RHOQ: variants seen among roughly 807,000 people sequenced by gnomAD.
RHOQ encodes rho-related GTP-binding protein RhoQ.
RHOQ carries 7 observed loss-of-function variants against 25.8 expected under a neutral mutation model. The observed-to-expected ratio is 0.27, with a 90% CI of 0.15 to 0.51. The LOEUF (loss-of-function observed/expected upper bound fraction) is 0.51, where lower values mean the gene tolerates loss of function less well. Ranked by LOEUF, RHOQ falls within the 20% of genes least tolerant of loss-of-function variation. RHOQ has a pLI of 0.97. For synonymous variants in RHOQ, 97 were observed against 98.6 expected, an observed-to-expected ratio of 0.98 and a Z score of 0.10; for missense variants, 165 against 260.6, an observed-to-expected ratio of 0.63 and a Z score of 2.53.
intron 2 of RHOQ, among the ~76,000 whole-genome samples, chr2:46,567,894 C>T (rs1215819121): frequency 6.9e-6 from 1 of 144,562 alleles, no homozygotes; most frequent in Non-Finnish European, 1.5e-5. Context: ...CCTGTCTCTA[C>T]AAAAAAAAAA....
intron 2 of RHOQ, among the ~76,000 whole-genome samples, chr2:46,574,396 T>C (rs546023694): frequency 7.2e-5 from 11 of 151,760 alleles, no homozygotes; most frequent in South Asian, 6.2e-4. Context: ...GCCCAGAAAG[T>C]ACATATAAGG....
intron 2 of RHOQ, among the ~76,000 whole-genome samples, chr2:46,563,375 G>A (rs1301546996): frequency 6.6e-6 from 1 of 152,204 alleles, no homozygotes; most frequent in Non-Finnish European, 1.5e-5. Flanking sequence ...AGCCTGGGTT[G>A]CTGTGAAGGC....
chr2:46,553,453 C>T (rs1417243005), intron 2 of RHOQ, among the ~76,000 whole-genome samples: 1 of 152,172 alleles, frequency 6.6e-6, no homozygotes, highest in Non-Finnish European at 1.5e-5. Context: ...TATCCATCCC[C>T]TCAAGCAGTT....
chr2:46,565,268 G>T (rs1401707659), intron 2 of RHOQ, among the ~76,000 whole-genome samples: 1 of 152,184 alleles, frequency 6.6e-6, no homozygotes, highest in East Asian at 1.9e-4. Context: ...GGTCCCCAGG[G>T]GCATGTGTCT....
chr2:46,558,694 T>C (rs1357981296), intron 2 of RHOQ, among the ~76,000 whole-genome samples: 1 of 152,218 alleles, frequency 6.6e-6, no homozygotes, highest in East Asian at 1.9e-4. Flanking sequence ...ATTATTTCTT[T>C]GGTTTATTTA....
intron 2 of RHOQ, among the ~76,000 whole-genome samples, chr2:46,561,058 C>G (rs141816617): frequency 0.016 from 2,380 of 150,458 alleles, 23 homozygotes; most frequent in Non-Finnish European, 0.023. Context: ...TGTATATAGA[C>G]ATATATCTCT....
chr2:46,570,468 G>A (rs1490167812), intron 2 of RHOQ, among the ~76,000 whole-genome samples: 1 of 151,988 alleles, frequency 6.6e-6, no homozygotes. Context: ...AAAGAAATGA[G>A]GTTTCATAGG....
chr2:46,543,199 G>A lies in RHOQ; in HGVS notation c.142+11G>A, dbSNP rs758682278. 5.0e-6 allele frequency: 8 copies of A among 1,611,348 alleles called. No homozygotes were observed. In the East Asian group the frequency reaches 1.3e-4, roughly 27 times the overall value. On this transcript the variant is annotated intron_variant, in intron 1 of 4. Coordinates refer to ENST00000238738, the MANE Select transcript of RHOQ (RefSeq NM_012249.4). Reference sequence around the variant, plus strand: ...TCGACCACTACGCAGGTAAGCCTCGGAACTGCTGACTAAGGGGCCGCTCCC... The same window carrying A: ...TCGACCACTACGCAGGTAAGCCTCGAAACTGCTGACTAAGGGGCCGCTCCC...
intron 2 of RHOQ, among the ~76,000 whole-genome samples, chr2:46,558,585 A>T (rs1668473105): frequency 6.6e-6 from 1 of 151,958 alleles, no homozygotes; most frequent in Non-Finnish European, 1.5e-5. Context: ...TGCCATTTTA[A>T]CCTCCTGAAA....
chr2:46,582,014 G>T lies in RHOQ; in HGVS notation c.*931G>T, dbSNP rs2104048925. The T allele has an allele frequency of 6.3e-6, 1 of 158,574 alleles. No individual in the cohort carries two copies. Among genetic ancestry groups the T allele is most frequent in the East Asian group, 1.9e-4 (1 of 5,364 alleles). The allele number at this position is 158,574 out of a possible 1,614,324, so 9.8% of individuals were successfully genotyped here. On this transcript the variant is annotated 3_prime_UTR_variant, in exon 5 of 5. Coordinates refer to ENST00000238738, the MANE Select transcript of RHOQ (RefSeq NM_012249.4). Reference sequence around the variant, plus strand: ...CCAAACCACAAGAAACTTTCTTTAAGTTGTGTTAAAGAGGAAAGACCTAGA... The same window carrying T: ...CCAAACCACAAGAAACTTTCTTTAATTTGTGTTAAAGAGGAAAGACCTAGA...
rs1669489335 is a variant in RHOQ at position 46,584,040 on chromosome 2, T to G, written c.*2957T>G. On this transcript the variant is annotated 3_prime_UTR_variant, in exon 5 of 5. Coordinates refer to ENST00000238738, the MANE Select transcript of RHOQ (RefSeq NM_012249.4). ...AATTCTATTTACAATAAGTGGAGCT[T>G]GGATTAATGGGTTTTGTTATGAATT... Among the ~76,000 whole-genome samples, 1 of 152,186 alleles carries G rather than the reference T, an allele frequency of 6.6e-6. No individual in the cohort carries two copies. Among genetic ancestry groups the G allele is most frequent in the Non-Finnish European group, 1.5e-5 (1 of 67,994 alleles).
rs1168556964 is a variant in RHOQ at position 46,580,933 on chromosome 2, A to C, written c.468A>C (p.Gly156=). The C allele has an allele frequency of 1.3e-6, 2 of 1,503,766 alleles. No individual in the cohort carries two copies. Among genetic ancestry groups the C allele is most frequent in the African/African-American group, 2.9e-5 (2 of 69,850 alleles). 93.2% of individuals were successfully genotyped at this position (1,503,766 alleles called of 1,614,324 possible). The change falls in exon 5 of 5, where the codon GGA becomes GGC. Residue 156 remains glycine (G), a synonymous_variant. Transcript: ENST00000238738. ...ATTTTTTTTCTCCCTCCCAGATAGG[A>C]GCATGCTGCTATGTGGAATGTTCAG... The part of the protein sequence containing the change: ...EQGQKLAKEI[G]ACCYVECSAL...
chr2:46,551,369 G>C (rs1328481071), intron 2 of RHOQ, among the ~76,000 whole-genome samples: 1 of 152,184 alleles, frequency 6.6e-6, no homozygotes, highest in Non-Finnish European at 1.5e-5. Flanking sequence ...TGTGTGCCAT[G>C]AGGTGAAGAT....
intron 2 of RHOQ, among the ~76,000 whole-genome samples, chr2:46,553,654 C>T (rs1668313180): frequency 6.6e-6 from 1 of 151,808 alleles, no homozygotes; most frequent in Admixed American, 6.6e-5. Context: ...GGTCTTGGCT[C>T]ACTCAACCTC....
intron 4 of RHOQ, among the ~76,000 whole-genome samples, chr2:46,578,390 G>A (rs1038271975): frequency 1.3e-5 from 2 of 151,460 alleles, no homozygotes; most frequent in Admixed American, 6.6e-5. Flanking sequence ...ACAGTGTTAG[G>A]AGGAATACAT....
Position 46,583,044 on chromosome 2 carries a change from A to G in RHOQ, c.*1961A>G, listed in dbSNP as rs1198126270. 6.6e-6 allele frequency: 1 copy of G among 152,204 alleles called. No homozygotes were observed. Among genetic ancestry groups the G allele is most frequent in the African/African-American group, 2.4e-5 (1 of 41,454 alleles). 9.4% of individuals were successfully genotyped at this position (152,204 alleles called of 1,614,324 possible). A position where few individuals can be genotyped will look rare whatever the true frequency, so the allele number is the denominator to read the frequency against. Reference sequence around the variant, plus strand: ...AAATTGAAAGGAATTGTATAAATCAATTAACATATTAGCTGAGTTGTCCAA... The same window carrying G: ...AAATTGAAAGGAATTGTATAAATCAGTTAACATATTAGCTGAGTTGTCCAA... On this transcript the variant is annotated 3_prime_UTR_variant, in exon 5 of 5. Coordinates refer to ENST00000238738, the MANE Select transcript of RHOQ (RefSeq NM_012249.4).
chr2:46,554,442 C>T lies in RHOQ; in HGVS notation c.201+10630C>T, dbSNP rs145203226. Among the ~76,000 whole-genome samples the T allele has an allele frequency of 4.5e-4, 68 of 152,274 alleles. No individual in the cohort carries two copies. In the East Asian group the frequency reaches 0.013, roughly 29 times the overall value. ...CCTAAACACCAAGCTATTTCTCTCC[C>T]GCATATTAAGGGGCTCGATAGACAG... On this transcript the variant is annotated intron_variant, in intron 2 of 4. Transcript: ENST00000238738.
At chr2:46,579,422 T>C (rs527727989) in intron 4 of RHOQ, among the ~76,000 whole-genome samples, 1 of 152,300 alleles carries the variant, frequency 6.6e-6, no homozygotes, top group South Asian at 2.1e-4. Flanking sequence ...CCTGGACCTC[T>C]TTCCTAAATT....
chr2:46,542,646 C>A lies in RHOQ; in HGVS notation c.-401C>A, dbSNP rs1572728501. 6.8e-6 allele frequency: 1 copy of A among 146,624 alleles called. No homozygotes were observed. The highest frequency in any genetic ancestry group is 1.5e-5 in the Non-Finnish European group (1 of 65,832). 9.1% of individuals were successfully genotyped at this position (146,624 alleles called of 1,614,324 possible). The stretch of plus-strand genomic sequence containing the variant: ...CCTCCGGGGCGCCGCGGGAGGGGCC[C>A]GGGTTGGCGCGGGGCGGGGAGAGCC... On this transcript the variant is annotated 5_prime_UTR_variant, in exon 1 of 5. Coordinates refer to ENST00000238738, the MANE Select transcript of RHOQ (RefSeq NM_012249.4).
Sources: allele counts gnomAD v4.1 joint callset (sites outside exome capture counted in the v4.1 genomes callset), GRCh38; gene constraint gnomAD v4.1.1; transcripts MANE v1.5; gene names NCBI Gene and HGNC (gene_info 2026-07-23, HGNC 2026-07-21).